GABRB1: variants seen among roughly 807,000 people sequenced by gnomAD.
The protein encoded by GABRB1 is gamma-aminobutyric acid receptor subunit beta-1.
Under a neutral mutation model 51.6 loss-of-function variants are expected in GABRB1, and 17 were observed. The observed-to-expected ratio is 0.33, with a 90% CI of 0.23 to 0.49. The LOEUF is 0.49. Among genes scored for constraint, GABRB1 ranks in the 20% least tolerant of loss-of-function variants. The pLI, the probability that GABRB1 is intolerant of heterozygous loss-of-function variation, is 0.99. For synonymous variants in GABRB1, 247 were observed against 218.9 expected (o/e 1.13, Z -1.14); for missense variants, 410 against 600.6 (o/e 0.68, Z 3.32).
chr4:47,146,971 T>G (rs2109705669), intron 3 of GABRB1, among the ~76,000 whole-genome samples: 1 of 152,218 alleles, frequency 6.6e-6, no homozygotes. Flanking sequence ...TGATAAATTA[T>G]TTAGGGCAGT....
At chr4:47,067,304 G>A (rs1727130373) in intron 3 of GABRB1, among the ~76,000 whole-genome samples, 1 of 152,144 alleles carries the variant, frequency 6.6e-6, no homozygotes, top group African/African-American at 2.4e-5. Context: ...ATAAGCATTG[G>A]CTTCAACTTA....
At chr4:47,376,583 C>A (rs1424990965) in intron 5 of GABRB1, among the ~76,000 whole-genome samples, 1 of 152,148 alleles carries the variant, frequency 6.6e-6, no homozygotes, top group African/African-American at 2.4e-5. Flanking sequence ...GGAGGCGGAG[C>A]TTGCAGTGAG....
At chr4:47,113,107 C>T (rs983113072) in intron 3 of GABRB1, among the ~76,000 whole-genome samples, 3 of 151,936 alleles carry the variant, frequency 2.0e-5, no homozygotes, top group Non-Finnish European at 2.9e-5. Flanking sequence ...AAATCAGGGC[C>T]GGGTGCAGTG....
At chr4:47,383,509 T>C (rs1173406626) in intron 5 of GABRB1, among the ~76,000 whole-genome samples, 1 of 152,084 alleles carries the variant, frequency 6.6e-6, no homozygotes, top group Non-Finnish European at 1.5e-5. Context: ...AATCAGGGAC[T>C]AGGCAAATAA....
chr4:47,167,041 T>C (rs554550920), intron 4 of GABRB1, among the ~76,000 whole-genome samples: 21 of 152,300 alleles, frequency 1.4e-4, no homozygotes, highest in African/African-American at 4.6e-4. Context: ...TGTGTATTTG[T>C]TGAAAATGTG....
intron 4 of GABRB1, among the ~76,000 whole-genome samples, chr4:47,288,558 A>T (rs1462623635): frequency 6.6e-6 from 1 of 152,134 alleles, no homozygotes; most frequent in Non-Finnish European, 1.5e-5. Context: ...CACCATGCCC[A>T]GCCAGGGCTT....
intron 3 of GABRB1, among the ~76,000 whole-genome samples, chr4:47,080,015 A>T (rs1484860136): frequency 1.3e-5 from 2 of 152,022 alleles, no homozygotes; most frequent in African/African-American, 4.8e-5. Flanking sequence ...AAAGAAATAT[A>T]AAAAAAACTG....
At chr4:47,249,948 A>C (rs1721919600) in intron 4 of GABRB1, among the ~76,000 whole-genome samples, 1 of 152,118 alleles carries the variant, frequency 6.6e-6, no homozygotes, top group Non-Finnish European at 1.5e-5. Flanking sequence ...TTGAGATGTG[A>C]GGTACGGTTG....
intron 3 of GABRB1, among the ~76,000 whole-genome samples, chr4:47,074,893 T>G (rs748018618): frequency 6.6e-6 from 1 of 152,210 alleles, no homozygotes; most frequent in Non-Finnish European, 1.5e-5. Flanking sequence ...TAGGCAAATC[T>G]CAAGATTATC....
chr4:47,238,154 T>C (rs537816887), intron 4 of GABRB1, among the ~76,000 whole-genome samples: 4 of 152,014 alleles, frequency 2.6e-5, no homozygotes, highest in South Asian at 2.1e-4. Context: ...TGCCTGAACA[T>C]GTAAAGAAAC....
chr4:47,318,937 C>T (rs932312959), intron 4 of GABRB1, among the ~76,000 whole-genome samples: 4 of 152,082 alleles, frequency 2.6e-5, no homozygotes, highest in African/African-American at 7.2e-5. Flanking sequence ...TCTAAAAATA[C>T]TCTATGCAAA....
At chr4:47,054,057 A>T (rs10011473) in intron 3 of GABRB1, among the ~76,000 whole-genome samples, 2,183 of 150,866 alleles carry the variant, frequency 0.014, 40 homozygotes, top group African/African-American at 0.05. Flanking sequence ...GACTTTTTTA[A>T]AAAAAAAAAG....
intron 4 of GABRB1, among the ~76,000 whole-genome samples, chr4:47,244,254 GC>G (rs1721653657): frequency 6.6e-6 from 1 of 152,158 alleles, no homozygotes; most frequent in Non-Finnish European, 1.5e-5. Context: ...TGGTGCATAA[GC>G]TTTTTGACGT....
chr4:47,286,792 A>C (rs533846982), intron 4 of GABRB1, among the ~76,000 whole-genome samples: 1 of 152,324 alleles, frequency 6.6e-6, no homozygotes, highest in East Asian at 1.9e-4. Flanking sequence ...TGACATGCCA[A>C]AGAAAAAATT....
rs1719165091 is a variant in GABRB1, at chr4:47,186,062, CA to C, written c.461+24596del. Reference sequence around the variant, plus strand: ...TATATAGCTTTTGCCAGAAGGTCCCCAAAGTTCTTAATTGAACGTCTTCTCA... The same window carrying C: ...TATATAGCTTTTGCCAGAAGGTCCCCAAGTTCTTAATTGAACGTCTTCTCA... On this transcript the variant is annotated intron_variant, in intron 4 of 8. Transcript: ENST00000295454. 2.0e-5 allele frequency among the ~76,000 whole-genome samples: 3 copies of C among 151,908 alleles called. No homozygotes were observed. The South Asian group carries it at 6.2e-4, about 32-fold the overall frequency.
intron 4 of GABRB1, among the ~76,000 whole-genome samples, chr4:47,196,435 T>C (rs1373718971): frequency 1.3e-5 from 2 of 152,176 alleles, no homozygotes; most frequent in Non-Finnish European, 2.9e-5. Context: ...TCTGGAATCT[T>C]CAATGCTGCC....
At chr4:47,354,839 T>TA (rs1726489728) in intron 5 of GABRB1, among the ~76,000 whole-genome samples, 1 of 121,994 alleles carries the variant, frequency 8.2e-6, no homozygotes, top group Non-Finnish European at 1.8e-5. Context: ...TAGCCTCTTA[T>TA]AAAGCTTTTC....
At chr4:46,996,002 C>T (rs942173871) in intron 1 of GABRB1, among the ~76,000 whole-genome samples, 3 of 150,072 alleles carry the variant, frequency 2.0e-5, no homozygotes, top group Admixed American at 1.3e-4. Flanking sequence ...TTTTGTATTA[C>T]TTCAAGAAGA....
intron 4 of GABRB1, among the ~76,000 whole-genome samples, chr4:47,190,276 T>C (rs181351244): frequency 2.0e-5 from 3 of 152,248 alleles, no homozygotes; most frequent in Non-Finnish European, 2.9e-5. Flanking sequence ...AGCAGGTTAC[T>C]CAACAGTGGA....
Sources: gnomAD v4.1 joint callset for allele counts (sites outside exome capture counted in the v4.1 genomes callset) on GRCh38, gnomAD v4.1.1 for gene constraint, MANE v1.5 for transcripts, NCBI Gene and HGNC (gene_info 2026-07-23, HGNC 2026-07-21) for gene names.